The following ARHGAP22 variants were observed in gnomAD, a reference collection of about 807,000 sequenced individuals.
ARHGAP22 encodes the protein rho GTPase-activating protein 22.
A neutral mutation model predicts 59.1 loss-of-function variants in ARHGAP22; 48 were observed. That is an observed-to-expected ratio of 0.81 (90% CI 0.64 to 1.03). The LOEUF is 1.03. Among genes scored for constraint, ARHGAP22 ranks in the 50% least tolerant of loss-of-function variants. The probability of loss-of-function intolerance (pLI) is 0.00; values close to 1 mark genes in which losing one functional copy is unlikely to be tolerated. For synonymous variants in ARHGAP22, 445 were observed against 416.4 expected (o/e 1.07, Z -0.84); for missense variants, 1,015 against 958.7 (o/e 1.06, Z -0.78).
chr10:48,502,364 G>A (rs1365654872), intron 3 of ARHGAP22, among the ~76,000 whole-genome samples: 2 of 152,184 alleles, frequency 1.3e-5, no homozygotes, highest in African/African-American at 4.8e-5. Context: ...GAATGCCCAG[G>A]CACTGCCAAG....
intron 1 of ARHGAP22, among the ~76,000 whole-genome samples, chr10:48,641,595 C>T (rs2062048321): frequency 6.6e-6 from 1 of 152,100 alleles, no homozygotes; most frequent in East Asian, 1.9e-4. Context: ...GGACGTATCT[C>T]AAAATAATAA....
At chr10:48,620,089 C>T (rs1275648129) in intron 1 of ARHGAP22, among the ~76,000 whole-genome samples, 1 of 152,134 alleles carries the variant, frequency 6.6e-6, no homozygotes, top group Non-Finnish European at 1.5e-5. Flanking sequence ...TAGTGTATTA[C>T]CTTTGATCAG....
chr10:48,653,596 A>G (rs116661273), upstream of ARHGAP22, among the ~76,000 whole-genome samples: 400 of 152,362 alleles, frequency 2.6e-3, 4 homozygotes, highest in African/African-American at 9.3e-3. Flanking sequence ...CGAGCACTCA[A>G]CTGCTTGAAG....
chr10:48,433,602 C>T, the ARHGAP22 span, among the ~76,000 whole-genome samples: 3 of 152,192 alleles, frequency 2.0e-5, no homozygotes, highest in Non-Finnish European at 2.9e-5. Context: ...TTTCAGCTCC[C>T]ATCACATGCT....
chr10:48,563,240 C>G (rs2057818667), intron 2 of ARHGAP22, among the ~76,000 whole-genome samples: 1 of 142,550 alleles, frequency 7.0e-6, no homozygotes, highest in Admixed American at 7.3e-5. Context: ...GTGCCCCAGG[C>G]TGGAGTGCAG....
At chr10:48,474,912 T>G (rs1438707554) in intron 4 of ARHGAP22, among the ~76,000 whole-genome samples, 1 of 152,146 alleles carries the variant, frequency 6.6e-6, no homozygotes, top group Non-Finnish European at 1.5e-5. Context: ...CAGCAATAAT[T>G]CTCTGTCCCT....
chr10:48,539,505 A>G (rs907260966), intron 3 of ARHGAP22, among the ~76,000 whole-genome samples: 1 of 151,086 alleles, frequency 6.6e-6, no homozygotes, highest in Non-Finnish European at 1.5e-5. Flanking sequence ...TTTAGCCGGG[A>G]TGGTCTCGAT....
chr10:48,522,086 G>A, intron 3 of ARHGAP22, among the ~76,000 whole-genome samples: 1 of 152,244 alleles, frequency 6.6e-6, no homozygotes, highest in East Asian at 1.9e-4. Context: ...AACCCTTGGA[G>A]ACTTTGTACA....
At chr10:48,580,569 G>A (rs747380862) in intron 2 of ARHGAP22, among the ~76,000 whole-genome samples, 7 of 152,190 alleles carry the variant, frequency 4.6e-5, no homozygotes, top group Admixed American at 1.3e-4. Context: ...GTCCAGGCAG[G>A]GCTCTGAAAG....
chr10:48,478,690 T>C (rs2048971452), intron 4 of ARHGAP22, among the ~76,000 whole-genome samples: 1 of 152,210 alleles, frequency 6.6e-6, no homozygotes, highest in Non-Finnish European at 1.5e-5. Context: ...GACCACTTCA[T>C]ATGGACACCG....
chr10:48,434,979 A>G, the ARHGAP22 span: 1 of 1,605,924 alleles, frequency 6.2e-7, no homozygotes, highest in Non-Finnish European at 8.5e-7. Flanking sequence ...GGCCTCTGAT[A>G]CAGACAGCAG....
rs149649013 is a variant in ARHGAP22, at chr10:48,459,968, C to T, written c.452-77G>A. The T allele has an allele frequency of 3.1e-5, 44 of 1,431,838 alleles. No homozygotes were observed. The East Asian group carries it at 3.4e-4, about 11-fold the overall frequency. The allele number at this position is 1,431,838 out of a possible 1,614,324, so 88.7% of individuals were successfully genotyped here. The stretch of plus-strand genomic sequence containing the variant: ...GGTGCTCAGGACAATGGAGGGCAGG[C>T]GCACTGTTAGGGCTAAAGGTGGCTC... On this transcript the variant is annotated intron_variant, in intron 4 of 9. Coordinates refer to ENST00000249601, the MANE Select transcript of ARHGAP22 (RefSeq NM_021226.4).
downstream of ARHGAP22, among the ~76,000 whole-genome samples, chr10:48,441,927 T>C (rs1007216356): frequency 1.3e-5 from 2 of 152,208 alleles, no homozygotes; most frequent in African/African-American, 4.8e-5. Flanking sequence ...CATCTTCTCT[T>C]GATGCCTCAC....
intron 9 of ARHGAP22, among the ~76,000 whole-genome samples, chr10:48,447,513 T>G (rs535647554): frequency 6.6e-6 from 1 of 152,264 alleles, no homozygotes; most frequent in South Asian, 2.1e-4. Context: ...CACGGATTCC[T>G]CAACCCACCA....
chr10:48,544,676 T>G (rs2056272946), intron 3 of ARHGAP22, among the ~76,000 whole-genome samples: 1 of 152,250 alleles, frequency 6.6e-6, no homozygotes, highest in Non-Finnish European at 1.5e-5. Context: ...ATCATACATT[T>G]TATGAAATCT....
chr10:48,465,709 A>G (rs568655550), intron 4 of ARHGAP22, among the ~76,000 whole-genome samples: 2 of 152,316 alleles, frequency 1.3e-5, no homozygotes, highest in African/African-American at 4.8e-5. Context: ...TCACTCTTAC[A>G]GGAGCGGGCA....
At chr10:48,438,732 GAC>G in the ARHGAP22 span, 1 of 152,162 alleles carries the variant, frequency 6.6e-6, no homozygotes, top group African/African-American at 2.4e-5. Flanking sequence ...AGCCAATGTT[GAC>G]ACAATACCAG....
chr10:48,591,184 T>C (rs1453537377), intron 1 of ARHGAP22, among the ~76,000 whole-genome samples: 1 of 152,162 alleles, frequency 6.6e-6, no homozygotes, highest in Non-Finnish European at 1.5e-5. Flanking sequence ...GGAGGGTGAC[T>C]GCGAGCCCGC....
chr10:48,604,221 C>T (rs569719239), intron 1 of ARHGAP22, among the ~76,000 whole-genome samples: 2 of 152,326 alleles, frequency 1.3e-5, no homozygotes, highest in South Asian at 4.1e-4. Context: ...CCCGCATCCA[C>T]CCGTCCTGCC....
Sources: gnomAD v4.1 joint callset for allele counts (sites outside exome capture counted in the v4.1 genomes callset) on GRCh38, gnomAD v4.1.1 for gene constraint, MANE v1.5 for transcripts, NCBI Gene and HGNC (gene_info 2026-07-23, HGNC 2026-07-21) for gene names.